Variants in TXLNG observed in about 807,000 individuals in gnomAD.
TXLNG encodes taxilin gamma.
In TXLNG, 5 loss-of-function variants were observed where a neutral mutation model predicts 38.8. That is an observed-to-expected ratio of 0.13 (90% CI 0.07 to 0.27). The LOEUF (loss-of-function observed/expected upper bound fraction) is 0.27. Ranked by LOEUF, TXLNG falls within the 10% of genes least tolerant of loss-of-function variation. TXLNG has a pLI of 1.00. For missense variants in TXLNG, 393 were observed against 398.2 expected, an observed-to-expected ratio of 0.99 and a Z score of 0.11; for synonymous variants, 182 against 158.2, an observed-to-expected ratio of 1.15 and a Z score of -1.13.
chrX:16,806,190 T>G (rs974725638), intron 1 of TXLNG, among the ~76,000 whole-genome samples: 1 of 112,815 alleles, frequency 8.9e-6, no homozygotes, highest in Non-Finnish European at 1.9e-5. Flanking sequence ...TTTGTAAAAC[T>G]TTGTATTTGG....
At position 16,820,839 on chromosome X, in the gene TXLNG, G is replaced by A. The variant is rs753342681; in HGVS notation, c.498+584G>A. 3.3e-3 allele frequency among the ~76,000 whole-genome samples: 373 copies of A among 111,937 alleles called. 1 individual carries two copies. The highest frequency in any genetic ancestry group is 9.3e-3 in the Middle Eastern group (2 of 214). ...GCTAGAGTGCAGTGGTGTGATCTCA[G>A]CAGACTGCAAGCTCCACCTCCCGGG... On this transcript the variant is annotated intron_variant, in intron 3 of 9. Coordinates refer to ENST00000380122, the MANE Select transcript of TXLNG (RefSeq NM_018360.3).
chrX:16,814,043 G>A (rs773607653), intron 1 of TXLNG, among the ~76,000 whole-genome samples: 2 of 110,857 alleles, frequency 1.8e-5, no homozygotes, highest in Non-Finnish European at 3.8e-5. Context: ...CCAAGATCAC[G>A]CCACTGCACT....
rs759421052 is a variant in TXLNG at position 16,839,827 on chromosome X, A to G, written c.1159A>G (p.Lys387Glu). 1 of 1,185,870 alleles carries G rather than the reference A, an allele frequency of 8.4e-7. No homozygotes were observed. Among genetic ancestry groups the G allele is most frequent in the East Asian group, 3.0e-5 (1 of 33,390 alleles). The change falls in exon 9 of 10, where the codon AAG becomes GAG. Residue 387 changes from lysine to glutamate, a missense_variant. Transcript: ENST00000380122. ...TGTGCAATTGTATTCACAGATGACA[A>G]AGAAAATTAAAAAACTGGAAAAAGA... ...TFRQEMEKMT[K>E]KIKKLEKETI...
At chrX:16,813,176 A>G (rs1928599146) in intron 1 of TXLNG, among the ~76,000 whole-genome samples, 1 of 112,011 alleles carries the variant, frequency 8.9e-6, no homozygotes, top group African/African-American at 3.2e-5. Context: ...CAAATGGCCA[A>G]TAGGCACGTG....
intron 8 of TXLNG, 24 bp downstream of exon 8, chrX:16,837,709 T>A: frequency 1.8e-6 from 2 of 1,092,391 alleles, no homozygotes; most frequent in Non-Finnish European, 2.5e-6. Flanking sequence ...TTTAGTAGAA[T>A]AGTATATCAA....
intron 3 of TXLNG, among the ~76,000 whole-genome samples, chrX:16,820,925 C>T (rs1034637058): frequency 9.1e-6 from 1 of 109,778 alleles, no homozygotes; most frequent in Non-Finnish European, 1.9e-5. Context: ...CTCGCCACCA[C>T]GCCTGGCTAG....
At chrX:16,804,974 C>A (rs1288100238) in intron 1 of TXLNG, among the ~76,000 whole-genome samples, 5 of 9,657 alleles carry the variant, frequency 5.2e-4, no homozygotes, top group African/African-American at 1.1e-3. Context: ...ACTGCCCACC[C>A]CCCCCCCCCG....
chrX:16,817,995 A>G (rs1043246489), intron 1 of TXLNG, among the ~76,000 whole-genome samples: 1 of 111,726 alleles, frequency 9.0e-6, no homozygotes, highest in African/African-American at 3.3e-5. Context: ...GAGATGGTTG[A>G]GAAAGAACTT....
chrX:16,793,645 A>G (rs1210046325), intron 1 of TXLNG, among the ~76,000 whole-genome samples: 1 of 109,749 alleles, frequency 9.1e-6, no homozygotes, highest in Non-Finnish European at 1.9e-5. Context: ...TTTGTAAAAT[A>G]TCTTTTTTTT....
chrX:16,842,048 T>C lies in TXLNG; in HGVS notation c.*282T>C. The C allele has an allele frequency of 3.9e-6, 1 of 259,675 alleles. No homozygotes were observed. Among genetic ancestry groups the C allele is most frequent in the East Asian group, 6.3e-5 (1 of 15,940 alleles). The allele number at this position is 259,675 out of a possible 1,213,427, so 21.4% of individuals were successfully genotyped here. On this transcript the variant is annotated 3_prime_UTR_variant, in exon 10 of 10. Transcript: ENST00000380122. ...TTCTCTCCCTGCTCCTTGCACATTATCATCCTAATGAAAATTTCACTGACA... is the reference window on the plus strand; with the variant it reads ...TTCTCTCCCTGCTCCTTGCACATTACCATCCTAATGAAAATTTCACTGACA...
At chrX:16,830,438 T>C (rs1277233893) in intron 5 of TXLNG, among the ~76,000 whole-genome samples, 4 of 103,983 alleles carry the variant, frequency 3.8e-5, no homozygotes, top group African/African-American at 1.4e-4. Flanking sequence ...TGCTAGAAGG[T>C]ACTAACCTGG....
intron 8 of TXLNG, among the ~76,000 whole-genome samples, chrX:16,838,230 C>T (rs1929668872): frequency 8.9e-6 from 1 of 111,980 alleles, no homozygotes; most frequent in South Asian, 3.7e-4. Context: ...TCCTTGAGAT[C>T]AAGCTAAGGA....
intron 7 of TXLNG, among the ~76,000 whole-genome samples, chrX:16,834,814 T>A (rs1929533886): frequency 8.9e-6 from 1 of 112,634 alleles, no homozygotes; most frequent in Non-Finnish European, 1.9e-5. Context: ...CCTAAAAAAA[T>A]GGCAATTTCA....
At chrX:16,839,208 C>T (rs1352464139) in intron 8 of TXLNG, 4 of 112,025 alleles carry the variant, frequency 3.6e-5, no homozygotes, top group African/African-American at 1.3e-4. Context: ...TGAAGTAAAT[C>T]AGCCTCACGA....
At chrX:16,786,679 A>G (rs1927496505) in intron 1 of TXLNG, 90 bp downstream of exon 1, 1 of 477,077 alleles carries the variant, frequency 2.1e-6, no homozygotes, top group Non-Finnish European at 2.7e-6. Context: ...CTCCCTGGTT[A>G]CCTATAGCCA....
At chrX:16,786,654 GT>G (rs1222051093) in intron 1 of TXLNG, 65 bp downstream of exon 1, 1 of 800,652 alleles carries the variant, frequency 1.2e-6, no homozygotes, top group East Asian at 4.4e-5. Flanking sequence ...CTTTTTCAGG[GT>G]CCACCTCTTC....
At chrX:16,831,034 A>G (rs932751650) in intron 5 of TXLNG, among the ~76,000 whole-genome samples, 1 of 111,046 alleles carries the variant, frequency 9.0e-6, no homozygotes, top group African/African-American at 3.3e-5. Context: ...CCCCTAGATT[A>G]TTTTGAAGCA....
At chrX:16,809,469 G>A (rs748878090) in intron 1 of TXLNG, among the ~76,000 whole-genome samples, 1 of 104,536 alleles carries the variant, frequency 9.6e-6, no homozygotes, top group Admixed American at 1.1e-4. Context: ...TCAGCCTCCC[G>A]AGTAACTGGG....
At chrX:16,833,624 TACAC>T (rs373147838) in intron 6 of TXLNG, among the ~76,000 whole-genome samples, 12 of 109,046 alleles carry the variant, frequency 1.1e-4, no homozygotes, top group South Asian at 3.8e-4. Flanking sequence ...ATAAATTTTA[TACAC>T]ACACACACAC....
Sources: gnomAD v4.1 joint callset for allele counts (sites outside exome capture counted in the v4.1 genomes callset) on GRCh38, gnomAD v4.1.1 for gene constraint, MANE v1.5 for transcripts, NCBI Gene and HGNC (gene_info 2026-07-23, HGNC 2026-07-21) for gene names.